GOLGA3: variants seen among roughly 807,000 people sequenced by gnomAD.
GOLGA3 encodes the protein golgin A3.
A neutral mutation model predicts 169.4 loss-of-function variants in GOLGA3; 75 were observed. That is an observed-to-expected ratio of 0.44 (90% CI 0.37 to 0.54). The LOEUF (loss-of-function observed/expected upper bound fraction) is 0.54, where lower values mean the gene tolerates loss of function less well. GOLGA3 is among the 20% of genes least tolerant of loss of function. The pLI is 0.00. For missense variants in GOLGA3, 1,899 were observed against 1,930.0 expected (o/e 0.98, Z 0.30); for synonymous variants, 824 against 822.4 (o/e 1.00, Z -0.03).
chr12:132,780,077 C>T lies in GOLGA3; in HGVS notation c.3582+721G>A, dbSNP rs541085178. Among the ~76,000 whole-genome samples the T allele has an allele frequency of 3.2e-4, 44 of 138,214 alleles. 1 individual carries two copies. In the South Asian group the frequency reaches 9.7e-3, roughly 30 times the overall value. 90.7% of individuals were successfully genotyped at this position (138,214 alleles called of 152,430 possible). ...CACATACACACACACACCCCAGGCA[C>T]ACGTGTGTGCAGACATCACACTTGC... On this transcript the variant is annotated intron_variant, in intron 18 of 23. Transcript: ENST00000450791.
chr12:132,774,286 T>A lies in GOLGA3; in HGVS notation c.4178A>T (p.Asn1393Ile), dbSNP rs759696666. The A allele has an allele frequency of 1.9e-6, 3 of 1,612,330 alleles. No individual in the cohort carries two copies. The highest frequency in any genetic ancestry group is 2.5e-6 in the Non-Finnish European group (3 of 1,179,988). Residue 1393 changes from asparagine (N) to isoleucine (I), a missense_variant, in exon 23 of 24, where the codon AAC (asparagine) becomes ATC (isoleucine). By Grantham distance (149) the Asn-to-Ile change is moderately radical (BLOSUM62 -3). Coordinates refer to ENST00000450791, the MANE Select transcript of GOLGA3 (RefSeq NM_001389683.1). ...CGGGATCTTGATGGGCGTGGCAGGGTTGGAAGAGCTGGCCTCGCCTTTCGG... is the reference window on the plus strand; with the variant it reads ...CGGGATCTTGATGGGCGTGGCAGGGATGGAAGAGCTGGCCTCGCCTTTCGG... Reference protein sequence around the residue: ...KEPKGEASSSNPATPIKIPDC... With the variant: ...KEPKGEASSSIPATPIKIPDC...
intron 3 of GOLGA3, among the ~76,000 whole-genome samples, chr12:132,813,841 C>T (rs1450565162): frequency 1.3e-5 from 2 of 150,882 alleles, no homozygotes; most frequent in Admixed American, 6.6e-5. Flanking sequence ...TCTCCTGCCT[C>T]AGCCTCCCAA....
In GOLGA3 at chr12:132,769,240, CCCT is replaced by C. The variant is rs2044787263; in HGVS notation, c.*3862_*3864del. ...CACCACAGCGTCACTCAACTCAAGTCCCTCCTCACATCAGAGGGCTCCTCGAAG... is the reference window on the plus strand; with the variant it reads ...CACCACAGCGTCACTCAACTCAAGTCCCTCACATCAGAGGGCTCCTCGAAG... On this transcript the variant is annotated 3_prime_UTR_variant, in exon 24 of 24. Coordinates refer to ENST00000450791, the MANE Select transcript of GOLGA3 (RefSeq NM_001389683.1). 1 of 152,298 alleles carries C rather than the reference CCCT, an allele frequency of 6.6e-6. No homozygotes were observed. Among genetic ancestry groups the C allele is most frequent in the Non-Finnish European group, 1.5e-5 (1 of 68,062 alleles). The allele number at this position is 152,298 out of a possible 1,614,324, so 9.4% of individuals were successfully genotyped here.
chr12:132,824,912 C>T (rs922846655), intron 1 of GOLGA3, among the ~76,000 whole-genome samples: 2 of 152,132 alleles, frequency 1.3e-5, no homozygotes, highest in African/African-American at 2.4e-5. Flanking sequence ...CAGCCGGCCA[C>T]GCCCACCTGG....
At position 132,776,640 on chromosome 12, in the gene GOLGA3, C is replaced by G. The variant is rs1566067958; in HGVS notation, c.3972G>C (p.Leu1324=). The change falls in exon 21 of 24, where the codon CTG becomes CTC. Residue 1324 remains leucine, a synonymous_variant. Coordinates refer to ENST00000450791, the MANE Select transcript of GOLGA3 (RefSeq NM_001389683.1). ...GCGCCTCACACACAGGTACCTGCAG[C>G]AGCTGCTGTAGCCCTTCCAGTTCCT... ...GRKELEGLQQ[L]LQNVKSELEM... 1.9e-6 allele frequency: 3 copies of G among 1,610,398 alleles called. No individual in the cohort carries two copies. Among genetic ancestry groups the G allele is most frequent in the Non-Finnish European group, 2.5e-6 (3 of 1,178,324 alleles).
At chr12:132,796,846 GC>G in intron 9 of GOLGA3, 146 bp from the exon 10 acceptor site, 2 of 869,772 alleles carry the variant, frequency 2.3e-6, no homozygotes, top group Non-Finnish European at 3.5e-6. Context: ...CAGACTGAGG[GC>G]CCAGGATGGG....
intron 18 of GOLGA3, among the ~76,000 whole-genome samples, chr12:132,778,471 T>C (rs908061042): frequency 2.7e-5 from 4 of 149,434 alleles, no homozygotes; most frequent in South Asian, 2.1e-4. Context: ...CTCAGGAGGC[T>C]GAGGCAGGAG....
intron 7 of GOLGA3, among the ~76,000 whole-genome samples, chr12:132,803,562 G>A (rs1251186210): frequency 6.6e-6 from 1 of 152,206 alleles, no homozygotes; most frequent in African/African-American, 2.4e-5. Context: ...CTACTTTAGT[G>A]TTGAGAACTT....
chr12:132,816,957 G>C, intron 2 of GOLGA3, 145 bp from the exon 3 acceptor site: 1 of 816,264 alleles, frequency 1.2e-6, no homozygotes, highest in Non-Finnish European at 1.9e-6. Context: ...CACTCTGAGA[G>C]GAGCAGCCCA....
chr12:132,769,018 C>T lies in GOLGA3; in HGVS notation c.*4087G>A, dbSNP rs1468197850. On this transcript the variant is annotated 3_prime_UTR_variant, in exon 24 of 24. Coordinates refer to ENST00000450791, the MANE Select transcript of GOLGA3 (RefSeq NM_001389683.1). ...TTTTAAAGTTACACTTTGTCAGACA[C>T]GGTGACCCCTTTCCCAAGAACAGCC... 2 of 152,668 alleles carry T rather than the reference C, an allele frequency of 1.3e-5. No individual in the cohort carries two copies. The highest frequency in any genetic ancestry group is 2.1e-4 in the South Asian group (1 of 4,836). 9.5% of individuals were successfully genotyped at this position (152,668 alleles called of 1,614,324 possible).
chr12:132,797,540 G>A (rs529983573), intron 9 of GOLGA3, among the ~76,000 whole-genome samples: 15 of 152,232 alleles, frequency 9.9e-5, no homozygotes, highest in African/African-American at 3.1e-4. Context: ...GCGAGACCCC[G>A]TCTCTACTAA....
At chr12:132,798,615 A>C in intron 8 of GOLGA3, 138 bp from the exon 9 acceptor site, 1 of 384,264 alleles carries the variant, frequency 2.6e-6, no homozygotes, top group Non-Finnish European at 4.5e-6. Flanking sequence ...ACTACCCACT[A>C]CACGTCTTCC....
rs371085541 is a variant in GOLGA3 at position 132,805,064 on chromosome 12, G to C, written c.1291-42C>G. 1.9e-6 allele frequency: 3 copies of C among 1,578,126 alleles called. No individual in the cohort carries two copies. The African/African-American group carries it at 4.0e-5, about 21-fold the overall frequency. On this transcript the variant is annotated intron_variant, in intron 6 of 23. Coordinates refer to ENST00000450791, the MANE Select transcript of GOLGA3 (RefSeq NM_001389683.1). The stretch of plus-strand genomic sequence containing the variant: ...AACCACAATGATTTTAAGAAAACGA[G>C]TCACTTCCATCCAGTGTATTAACAG...
intron 17 of GOLGA3, 130 bp from the exon 18 acceptor site, chr12:132,781,044 C>T (rs2045575888): frequency 7.4e-6 from 5 of 676,734 alleles, no homozygotes; most frequent in Non-Finnish European, 1.3e-5. Flanking sequence ...AACTTCACTG[C>T]TGAAGAATCT....
intron 1 of GOLGA3, among the ~76,000 whole-genome samples, chr12:132,824,219 G>A (rs759648157): frequency 1.3e-5 from 2 of 152,310 alleles, no homozygotes; most frequent in South Asian, 2.1e-4. Context: ...CTGGTCACCC[G>A]TAAAAGAGGA....
intron 18 of GOLGA3, among the ~76,000 whole-genome samples, chr12:132,778,594 T>A (rs759151031): frequency 6.7e-6 from 1 of 150,062 alleles, no homozygotes; most frequent in African/African-American, 2.5e-5. Context: ...AATAAACAAA[T>A]AAATAAATAA....
intron 9 of GOLGA3, among the ~76,000 whole-genome samples, chr12:132,797,667 G>A (rs942683982): frequency 3.0e-4 from 46 of 151,686 alleles, no homozygotes; most frequent in African/African-American, 1.1e-3. Flanking sequence ...AGCCAAGATC[G>A]CACCACTGCA....
Position 132,772,931 on chromosome 12 carries a change from C to A in GOLGA3, c.*174G>T. 1 of 541,510 alleles carries A rather than the reference C, an allele frequency of 1.8e-6. No individual in the cohort carries two copies. Among genetic ancestry groups the A allele is most frequent in the Non-Finnish European group, 3.3e-6 (1 of 305,516 alleles). 33.5% of individuals were successfully genotyped at this position (541,510 alleles called of 1,614,324 possible). On this transcript the variant is annotated 3_prime_UTR_variant, in exon 24 of 24. Transcript: ENST00000450791. ...TTCCATGTGAAAAGCTAATTGTGAT[C>A]TTCGAATGTTTTTCTAGTCCTTGGC...
chr12:132,824,727 C>T (rs1564649), intron 1 of GOLGA3, among the ~76,000 whole-genome samples: 17,455 of 152,146 alleles, frequency 0.11, 1,352 homozygotes, highest in Non-Finnish European at 0.17. Context: ...CTGGATTTTC[C>T]GGGTGGGTGG....
Sources: allele counts gnomAD v4.1 joint callset (sites outside exome capture counted in the v4.1 genomes callset), GRCh38; gene constraint gnomAD v4.1.1; transcripts MANE v1.5; gene names NCBI Gene and HGNC (gene_info 2026-07-23, HGNC 2026-07-21).